Variants in TRIM34 observed in about 807,000 individuals in gnomAD.
TRIM34 encodes E3 ubiquitin-protein ligase TRIM34.
A neutral mutation model predicts 38.1 loss-of-function variants in TRIM34; 41 were observed. That is an observed-to-expected ratio of 1.08 (90% CI 0.84 to 1.40). The LOEUF is 1.40. Ranked by LOEUF, TRIM34 falls within the 40% of genes most tolerant of loss-of-function variation. TRIM34 has a pLI of 0.00. For synonymous variants in TRIM34, 200 were observed against 202.5 expected (o/e 0.99, Z 0.10); for missense variants, 556 against 571.4 (o/e 0.97, Z 0.27).
chr11:5,630,845 C>G (rs923936746), intron 1 of TRIM34, among the ~76,000 whole-genome samples: 1 of 152,170 alleles, frequency 6.6e-6, no homozygotes, highest in African/African-American at 2.4e-5. Flanking sequence ...CTGGCTAATA[C>G]CATCTGTTCA....
At chr11:5,643,116 T>TAC (rs766931097) in intron 7 of TRIM34, 28 bp from the exon 8 acceptor site, 13 of 1,168,638 alleles carry the variant, frequency 1.1e-5, no homozygotes, top group South Asian at 2.2e-5. Context: ...TTCATATACA[T>TAC]ATATATATAT....
intron 4 of TRIM34, 24 bp downstream of exon 4, chr11:5,634,885 G>A: frequency 1.2e-6 from 2 of 1,604,706 alleles, no homozygotes; most frequent in South Asian, 1.1e-5. Flanking sequence ...CTCAATCTGA[G>A]ATTCTGGGAA....
intron 1 of TRIM34, among the ~76,000 whole-genome samples, chr11:5,627,808 G>A (rs1849310105): frequency 1.3e-5 from 2 of 152,174 alleles, no homozygotes; most frequent in African/African-American, 2.4e-5. Flanking sequence ...GAATCCAGAA[G>A]AAGTGTCTAG....
intron 1 of TRIM34, among the ~76,000 whole-genome samples, chr11:5,630,533 A>T (rs1040477845): frequency 1.3e-5 from 2 of 152,200 alleles, no homozygotes; most frequent in Non-Finnish European, 2.9e-5. Flanking sequence ...CCACACATTT[A>T]AAAACTTTCG....
At chr11:5,634,490 A>AAT (rs1564886067) in intron 3 of TRIM34, 141 bp from the exon 4 acceptor site, 2 of 358,322 alleles carry the variant, frequency 5.6e-6, no homozygotes, top group Admixed American at 6.9e-5. Context: ...AGATAATATA[A>AAT]ATACACACAC....
At chr11:5,636,612 C>G (rs1421059076) in intron 4 of TRIM34, among the ~76,000 whole-genome samples, 1 of 152,136 alleles carries the variant, frequency 6.6e-6, no homozygotes, top group Non-Finnish European at 1.5e-5. Flanking sequence ...GAATCGCCAC[C>G]TTCACAAAAG....
upstream of TRIM34, among the ~76,000 whole-genome samples, chr11:5,620,533 T>C (rs934718664): frequency 1.3e-5 from 2 of 152,196 alleles, no homozygotes; most frequent in Admixed American, 6.5e-5. Context: ...GTTGCAGTAA[T>C]GAGTCTCAAG....
chr11:5,635,531 C>T (rs1300139510), intron 4 of TRIM34, among the ~76,000 whole-genome samples: 1 of 152,164 alleles, frequency 6.6e-6, no homozygotes, highest in East Asian at 1.9e-4. Flanking sequence ...GCTGGGATTA[C>T]AGGCCTGACC....
rs1401387936 is a variant in TRIM34 at position 5,632,532 on chromosome 11, T to A, written c.201T>A (p.His67Gln). The A allele has an allele frequency of 1.2e-6, 2 of 1,613,736 alleles. No individual in the cohort carries two copies. The highest frequency in any genetic ancestry group is 1.3e-5 in the African/African-American group (1 of 74,804). Reference protein sequence around the residue: ...PVCGISYSFEHLQANQHLANI... With the variant: ...PVCGISYSFEQLQANQHLANI... ...GTGGTATCAGTTACTCATTTGAACA[T>A]CTACAGGCTAATCAGCATCTGGCCA... Residue 67 changes from histidine to glutamine, a missense_variant, in exon 2 of 8, where the codon CAT becomes CAA. Transcript: ENST00000429814.
Position 5,634,663 on chromosome 11 carries a change from A to C in TRIM34, c.552A>C (p.Gln184His), listed in dbSNP as rs780794250. 2 of 1,613,818 alleles carry C rather than the reference A, an allele frequency of 1.2e-6. No individual in the cohort carries two copies. Among genetic ancestry groups the C allele is most frequent in the Non-Finnish European group, 1.7e-6 (2 of 1,179,910 alleles). ...TACAAACTGAGAGACAAAGGATACA[A>C]ACAGAATTTGATCAGCTTAGAAGCA... ...YQVQTERQRI[Q>H]TEFDQLRSIL... Residue 184 changes from glutamine (Q) to histidine (H), a missense_variant, in exon 4 of 8, where the codon CAA becomes CAC. Coordinates refer to ENST00000429814, the MANE Select transcript of TRIM34 (RefSeq NM_021616.6).
At position 5,641,152 on chromosome 11, in the gene TRIM34, C is replaced by T. The variant is rs1364153459; in HGVS notation, c.751-15C>T. The T allele has an allele frequency of 1.2e-6, 2 of 1,609,676 alleles. No homozygotes were observed. Among genetic ancestry groups the T allele is most frequent in the Non-Finnish European group, 1.7e-6 (2 of 1,177,624 alleles). The stretch of plus-strand genomic sequence containing the variant: ...CTTTATACACTTTGACTCATGTTTT[C>T]TCTTTTCTTTCTAGGACATGAGTGG... On this transcript the variant is annotated splice_polypyrimidine_tract_variant and intron_variant, in intron 4 of 7. Transcript: ENST00000429814.
upstream of TRIM34, among the ~76,000 whole-genome samples, chr11:5,620,427 T>G (rs1207415162): frequency 6.6e-6 from 1 of 151,420 alleles, no homozygotes; most frequent in Non-Finnish European, 1.5e-5. Flanking sequence ...GGACTCTAAC[T>G]CCTGAACTCG....
intron 3 of TRIM34, 101 bp from the exon 4 acceptor site, chr11:5,634,530 C>CATATATATATATAT (rs112822638): frequency 4.9e-6 from 1 of 203,884 alleles, no homozygotes; most frequent in African/African-American, 3.4e-5. Context: ...CACACACACA[C>CATATATATATATAT]ATATATATAT....
chr11:5,624,437 T>C (rs1386565571), upstream of TRIM34, among the ~76,000 whole-genome samples: 3 of 152,018 alleles, frequency 2.0e-5, no homozygotes, highest in Non-Finnish European at 4.4e-5. Flanking sequence ...TCCTAGCGGG[T>C]GACATGGTAC....
At position 5,632,721 on chromosome 11, in the gene TRIM34, A is replaced by T; in HGVS notation, c.390A>T (p.Thr130=). 1 of 1,610,904 alleles carries T rather than the reference A, an allele frequency of 6.2e-7. No individual in the cohort carries two copies. Among genetic ancestry groups the T allele is most frequent in the Non-Finnish European group, 8.5e-7 (1 of 1,178,562 alleles). ...ERSQEHRGHH[T]VLTEEVFKEC... ...CTCAGGAGCACCGTGGTCACCACACAGTCCTCACGGAGGAAGTATTCAAGG... is the reference window on the plus strand; with the variant it reads ...CTCAGGAGCACCGTGGTCACCACACTGTCCTCACGGAGGAAGTATTCAAGG... The change falls in exon 2 of 8, where the codon ACA becomes ACT. Residue 130 remains threonine, a synonymous_variant. Coordinates refer to ENST00000429814, the MANE Select transcript of TRIM34 (RefSeq NM_021616.6).
chr11:5,622,646 A>G (rs1008565045), upstream of TRIM34, among the ~76,000 whole-genome samples: 1 of 147,520 alleles, frequency 6.8e-6, no homozygotes, highest in Non-Finnish European at 1.5e-5. Context: ...AATAAAAAAA[A>G]CCGGAAAAAA....
In TRIM34 at chr11:5,639,707, AG is replaced by A. The variant is rs148570515; in HGVS notation, c.751-1459del. Among the ~76,000 whole-genome samples, 1,307 of 139,932 alleles carry A rather than the reference AG, an allele frequency of 9.3e-3. 39 individuals are homozygous for A. The highest frequency in any genetic ancestry group is 0.037 in the African/African-American group (1,238 of 33,426). 91.8% of individuals were successfully genotyped at this position (139,932 alleles called of 152,430 possible). Reference sequence around the variant, plus strand: ...AAAAAAAAAAAAAAAAAAAAAAAAAAGATTGGAAGAGGTTGCCTATAGGCGG... The same window carrying A: ...AAAAAAAAAAAAAAAAAAAAAAAAAAATTGGAAGAGGTTGCCTATAGGCGG... On this transcript the variant is annotated intron_variant, in intron 4 of 7. Coordinates refer to ENST00000429814, the MANE Select transcript of TRIM34 (RefSeq NM_021616.6).
intron 4 of TRIM34, among the ~76,000 whole-genome samples, chr11:5,637,533 G>T (rs1480801803): frequency 6.6e-6 from 1 of 152,188 alleles, no homozygotes; most frequent in Admixed American, 6.5e-5. Context: ...GGATGGAATG[G>T]TAGGTAGCTA....
chr11:5,633,631 A>G (rs1229483705), intron 2 of TRIM34, among the ~76,000 whole-genome samples, 173 bp from the exon 3 acceptor site: 3 of 152,256 alleles, frequency 2.0e-5, no homozygotes, highest in African/African-American at 7.2e-5. Flanking sequence ...CAATGAATGA[A>G]CAATACATTC....
Sources: gnomAD v4.1 joint callset for allele counts (sites outside exome capture counted in the v4.1 genomes callset) on GRCh38, gnomAD v4.1.1 for gene constraint, MANE v1.5 for transcripts, NCBI Gene and HGNC (gene_info 2026-07-23, HGNC 2026-07-21) for gene names.